The following FRMD3 variants were observed in gnomAD, a reference collection of about 807,000 sequenced individuals.
The protein encoded by FRMD3 is FERM domain-containing protein 3.
Under a neutral mutation model 70.2 loss-of-function variants are expected in FRMD3, and 33 were observed. The observed-to-expected ratio is 0.47, with a 90% CI of 0.36 to 0.63. FRMD3 has a LOEUF of 0.63. Ranked by LOEUF, FRMD3 falls within the 20% of genes least tolerant of loss-of-function variation. FRMD3 has a pLI of 0.00. For synonymous variants in FRMD3, 279 were observed against 255.9 expected (o/e 1.09, Z -0.86); for missense variants, 632 against 711.4 (o/e 0.89, Z 1.27).
At chr9:83,357,245 ACATATAT>A (rs1824404129) in intron 3 of FRMD3, among the ~76,000 whole-genome samples, 108 of 6,486 alleles carry the variant, frequency 0.017, 8 homozygotes, top group Admixed American at 0.037. Flanking sequence ...TATAATACAT[ACATATAT>A]ATATATATAT....
chr9:83,511,857 T>C (rs927243414), intron 1 of FRMD3, among the ~76,000 whole-genome samples: 2 of 152,154 alleles, frequency 1.3e-5, no homozygotes, highest in Non-Finnish European at 2.9e-5. Flanking sequence ...GAGCAGGTGG[T>C]GCCTAGTCTG....
intron 1 of FRMD3, among the ~76,000 whole-genome samples, chr9:83,477,603 C>T (rs954069590): frequency 1.3e-5 from 2 of 152,128 alleles, no homozygotes; most frequent in African/African-American, 4.8e-5. Context: ...CCAAGGCCGT[C>T]CCAAATCAAG....
At position 83,355,096 on chromosome 9, in the gene FRMD3, T is replaced by C. The variant is rs564154680; in HGVS notation, c.296-5339A>G. 2.0e-3 allele frequency among the ~76,000 whole-genome samples: 311 copies of C among 152,268 alleles called. 3 individuals are homozygous for C. Among genetic ancestry groups the C allele is most frequent in the African/African-American group, 7.1e-3 (296 of 41,566 alleles). ...AACATGGAAGCCCCCACTTACTCCC[T>C]GGGACATGTCCAAGGTCCTGAATCC... On this transcript the variant is annotated intron_variant, in intron 3 of 13. Coordinates refer to ENST00000304195, the MANE Select transcript of FRMD3 (RefSeq NM_174938.6).
upstream of FRMD3, among the ~76,000 whole-genome samples, chr9:83,539,249 T>A (rs1283025497): frequency 2.6e-5 from 4 of 152,178 alleles, no homozygotes; most frequent in African/African-American, 9.6e-5. Flanking sequence ...GACTCTGGAA[T>A]TCCCCACGCG....
At chr9:83,441,801 A>G (rs1827303954) in intron 1 of FRMD3, among the ~76,000 whole-genome samples, 2 of 152,152 alleles carry the variant, frequency 1.3e-5, no homozygotes, top group African/African-American at 2.4e-5. Context: ...CATGACAGAA[A>G]GGGAGGTATG....
intron 2 of FRMD3, among the ~76,000 whole-genome samples, chr9:83,386,590 C>T (rs2131290617): frequency 6.6e-6 from 1 of 152,238 alleles, no homozygotes; most frequent in African/African-American, 2.4e-5. Flanking sequence ...ACTCATCTTC[C>T]CCTAATGTTA....
At chr9:83,272,519 G>A (rs13295329) in intron 13 of FRMD3, among the ~76,000 whole-genome samples, 18,229 of 152,192 alleles carry the variant, frequency 0.12, 1,416 homozygotes, top group East Asian at 0.17. Context: ...GCTTCTGCCC[G>A]GCCGCCACCC....
At chr9:83,374,552 C>T (rs1462032524) in intron 2 of FRMD3, among the ~76,000 whole-genome samples, 1 of 152,164 alleles carries the variant, frequency 6.6e-6, no homozygotes, top group East Asian at 1.9e-4. Context: ...ATTGATTATA[C>T]CACTTACCAG....
intron 2 of FRMD3, among the ~76,000 whole-genome samples, chr9:83,375,182 C>G (rs1825103062): frequency 6.6e-6 from 1 of 152,206 alleles, no homozygotes; most frequent in African/African-American, 2.4e-5. Context: ...GATGGATTGG[C>G]TATGTCTGCC....
the FRMD3 span, among the ~76,000 whole-genome samples, chr9:83,568,947 G>GATAC: frequency 0.039 from 4,033 of 102,868 alleles, 61 homozygotes; most frequent in Middle Eastern, 0.064. Flanking sequence ...TAGATAGATA[G>GATAC]ATAGATAGAT....
rs1214250443 is a variant in FRMD3 at position 83,489,003 on chromosome 9, T to TACACAC, written c.147+49081_147+49082insGTGTGT. On this transcript the variant is annotated intron_variant, in intron 1 of 13. Coordinates refer to ENST00000304195, the MANE Select transcript of FRMD3 (RefSeq NM_174938.6). ...GTGTGTGTGTGTGTGTGTGTGTGTG[T>TACACAC]GTGTGTGTGTGTGCTTGTGTGTGCG... is the stretch of plus-strand genomic sequence containing the variant. Among the ~76,000 whole-genome samples the TACACAC allele has an allele frequency of 4.0e-3, 528 of 130,698 alleles. 3 individuals carry two copies. The highest frequency in any genetic ancestry group is 0.015 in the African/African-American group (502 of 34,468). The allele number at this position is 130,698 out of a possible 152,430, so 85.7% of individuals were successfully genotyped here.
At chr9:83,371,708 C>T (rs1003483120) in intron 3 of FRMD3, among the ~76,000 whole-genome samples, 1 of 152,348 alleles carries the variant, frequency 6.6e-6, no homozygotes, top group Admixed American at 6.5e-5. Flanking sequence ...CTTGCTCCAG[C>T]AGCCTGGCCT....
At chr9:83,484,660 C>T (rs369201537) in intron 1 of FRMD3, among the ~76,000 whole-genome samples, 13 of 152,278 alleles carry the variant, frequency 8.5e-5, no homozygotes, top group South Asian at 2.1e-4. Flanking sequence ...TCAAGTGATC[C>T]GCCCACCTTG....
intron 1 of FRMD3, among the ~76,000 whole-genome samples, chr9:83,509,195 C>T (rs1829278811): frequency 6.6e-6 from 1 of 152,242 alleles, no homozygotes; most frequent in East Asian, 1.9e-4. Flanking sequence ...AGAGCAGATA[C>T]TCAGTCACTT....
chr9:83,506,680 T>G (rs561912894), intron 1 of FRMD3, among the ~76,000 whole-genome samples: 1 of 152,214 alleles, frequency 6.6e-6, no homozygotes, highest in African/African-American at 2.4e-5. Context: ...ATAAACACTG[T>G]ACACTTAGGC....
At chr9:83,437,534 T>G (rs1425794529) in intron 1 of FRMD3, among the ~76,000 whole-genome samples, 1 of 152,220 alleles carries the variant, frequency 6.6e-6, no homozygotes, top group Non-Finnish European at 1.5e-5. Context: ...TGTCTTGCTC[T>G]GAAGTCTGAG....
chr9:83,477,140 G>C (rs1406476781), intron 1 of FRMD3, among the ~76,000 whole-genome samples: 1 of 152,174 alleles, frequency 6.6e-6, no homozygotes, highest in Non-Finnish European at 1.5e-5. Context: ...TGTGAGAAAT[G>C]CCAATTATCA....
intron 3 of FRMD3, among the ~76,000 whole-genome samples, chr9:83,361,384 A>C (rs890446849): frequency 1.3e-5 from 2 of 152,230 alleles, no homozygotes; most frequent in Admixed American, 1.3e-4. Context: ...CCAGTGCTGG[A>C]GATTATGATT....
chr9:83,479,669 AAG>A (rs1319688884), intron 1 of FRMD3, among the ~76,000 whole-genome samples: 21 of 64,332 alleles, frequency 3.3e-4, no homozygotes, highest in African/African-American at 9.9e-4. Flanking sequence ...GGAAGGAAGG[AAG>A]GAAAGAAAGA....
Sources: gnomAD v4.1 joint callset for allele counts (sites outside exome capture counted in the v4.1 genomes callset) on GRCh38, gnomAD v4.1.1 for gene constraint, MANE v1.5 for transcripts, NCBI Gene and HGNC (gene_info 2026-07-23, HGNC 2026-07-21) for gene names.